The following BGN variants were observed in gnomAD, a reference collection of about 807,000 sequenced individuals.
BGN encodes the protein biglycan.
A neutral mutation model predicts 20.0 loss-of-function variants in BGN; 6 were observed. The observed-to-expected ratio is 0.30, with a 90% CI of 0.16 to 0.59. The LOEUF is 0.59. BGN is among the 20% of genes least tolerant of loss of function. The probability of loss-of-function intolerance (pLI) is 0.88; values close to 1 mark genes in which losing one functional copy is unlikely to be tolerated. For missense variants in BGN, 292 were observed against 312.1 expected, an observed-to-expected ratio of 0.94 and a Z score of 0.49; for synonymous variants, 146 against 134.6, an observed-to-expected ratio of 1.08 and a Z score of -0.59.
intron 1 of BGN, among the ~76,000 whole-genome samples, chrX:153,498,063 C>T (rs1184582063): frequency 8.9e-6 from 1 of 112,665 alleles, no homozygotes; most frequent in Non-Finnish European, 1.9e-5. Context: ...GGCTCCCTGG[C>T]AGGCCTGGTG....
chrX:153,508,479 G>T lies in BGN; in HGVS notation c.*34G>T. The T allele has an allele frequency of 5.9e-6, 7 of 1,185,587 alleles. No homozygotes were observed. Among genetic ancestry groups the T allele is most frequent in the Non-Finnish European group, 8.0e-6 (7 of 875,477 alleles). On this transcript the variant is annotated 3_prime_UTR_variant, in exon 8 of 8. Transcript: ENST00000331595. ...GCAGCCACCGCGGGGCCTCAGTGGG[G>T]GTCTCTGGGGAACACAGCCAGACAT... is the stretch of plus-strand genomic sequence containing the variant.
rs183197855 is a variant in BGN, at chrX:153,506,817, C to A, written c.677-13C>A. The A allele has an allele frequency of 4.0e-4, 483 of 1,205,936 alleles. No individual in the cohort carries two copies. Among genetic ancestry groups the A allele is most frequent in the Admixed American group, 5.9e-4 (27 of 45,816 alleles). Reference sequence around the variant, plus strand: ...GCACCTGCATTCTCCCCTGTGCCCTCTTCTCCTGGCAGACCTCCCTGAGAC... The same window carrying A: ...GCACCTGCATTCTCCCCTGTGCCCTATTCTCCTGGCAGACCTCCCTGAGAC... On this transcript the variant is annotated splice_polypyrimidine_tract_variant and intron_variant, in intron 5 of 7. Coordinates refer to ENST00000331595, the MANE Select transcript of BGN (RefSeq NM_001711.6).
At chrX:153,508,128 G>A (rs1343265963) in intron 7 of BGN, 120 bp from the exon 8 acceptor site, 2 of 767,774 alleles carry the variant, frequency 2.6e-6, no homozygotes, top group Admixed American at 2.7e-5. Flanking sequence ...CCAACAACGG[G>A]GAGCCTCTGG....
Position 153,505,367 on chromosome X carries a change from A to T in BGN, c.351+17A>T, listed in dbSNP as rs2089792249. The stretch of plus-strand genomic sequence containing the variant: ...CACCTCTACGTAAGGAGCTGGGAGG[A>T]ACCAGCAGGCCTACAGCAGAGGGCA... On this transcript the variant is annotated intron_variant, in intron 3 of 7. Coordinates refer to ENST00000331595, the MANE Select transcript of BGN (RefSeq NM_001711.6). 8.5e-7 allele frequency: 1 copy of T among 1,175,427 alleles called. No homozygotes were observed. Among genetic ancestry groups the T allele is most frequent in the African/African-American group, 1.8e-5 (1 of 57,110 alleles).
rs1556993917 is a variant in BGN, at chrX:153,508,776, G to A, written c.*331G>A. 1 of 323,661 alleles carries A rather than the reference G, an allele frequency of 3.1e-6. No homozygotes were observed. Among genetic ancestry groups the A allele is most frequent in the African/African-American group, 2.7e-5 (1 of 37,659 alleles). The allele number at this position is 323,661 out of a possible 1,213,427, so 26.7% of individuals were successfully genotyped here. On this transcript the variant is annotated 3_prime_UTR_variant, in exon 8 of 8. Coordinates refer to ENST00000331595, the MANE Select transcript of BGN (RefSeq NM_001711.6). Reference sequence around the variant, plus strand: ...CAAGTGTCCAAGGCTCCAGTCCTAGGAGAACAGTCCCTGGGTCAGCAGCCA... The same window carrying A: ...CAAGTGTCCAAGGCTCCAGTCCTAGAAGAACAGTCCCTGGGTCAGCAGCCA...
In BGN at chrX:153,505,869, G is replaced by A. The variant is rs782662136; in HGVS notation, c.358G>A (p.Val120Ile). Residue 120 changes from valine to isoleucine, a missense_variant, in exon 4 of 8, where the codon GTC (valine) becomes ATC (isoleucine). Coordinates refer to ENST00000331595, the MANE Select transcript of BGN (RefSeq NM_001711.6). ...TCCGCCCACCCTGCTTCAGGCCCTCGTCCTGGTGAACAACAAGATCTCCAA... is the reference window on the plus strand; with the variant it reads ...TCCGCCCACCCTGCTTCAGGCCCTCATCCTGGTGAACAACAAGATCTCCAA... ...FKGLQHLYAL[V>I]LVNNKISKIH... The A allele has an allele frequency of 2.5e-5, 30 of 1,209,031 alleles. No homozygotes were observed. Among genetic ancestry groups the A allele is most frequent in the African/African-American group, 2.3e-4 (13 of 57,102 alleles).
chrX:153,504,051 C>G (rs1330678791), intron 1 of BGN, among the ~76,000 whole-genome samples: 2 of 111,902 alleles, frequency 1.8e-5, no homozygotes, highest in Non-Finnish European at 3.8e-5. Context: ...CTTAGAGGGT[C>G]TCTGAGAAAC....
intron 1 of BGN, among the ~76,000 whole-genome samples, chrX:153,500,798 T>C (rs185234359): frequency 1.8e-5 from 2 of 111,542 alleles, no homozygotes; most frequent in Non-Finnish European, 3.8e-5. Context: ...TGCATGTGTG[T>C]ATGTGTGCAT....
rs1556993732 is a variant in BGN at position 153,508,295 on chromosome X, C to T, written c.957C>T (p.Asp319=). The T allele has an allele frequency of 8.2e-7, 1 of 1,212,279 alleles. No homozygotes were observed. Among genetic ancestry groups the T allele is most frequent in the South Asian group, 1.8e-5 (1 of 57,030 alleles). ...ACATCACCAAAGTGGGTGTCAACGA[C>T]TTCTGTCCCATGGGCTTCGGGGTGA... ...SNNITKVGVN[D]FCPMGFGVKR... is the part of the protein sequence containing the mutation. Residue 319 remains aspartate (D), a synonymous_variant, in exon 8 of 8, where the codon GAC becomes GAT. Coordinates refer to ENST00000331595, the MANE Select transcript of BGN (RefSeq NM_001711.6).
chrX:153,504,600 T>G, intron 1 of BGN, 21 bp from the exon 2 acceptor site: 12 of 1,130,587 alleles, frequency 1.1e-5, no homozygotes, highest in Non-Finnish European at 1.4e-5. Flanking sequence ...GTGCTGATGA[T>G]CCCCTCGCCT....
At chrX:153,496,866 C>T (rs1420785793) in intron 1 of BGN, among the ~76,000 whole-genome samples, 2 of 110,369 alleles carry the variant, frequency 1.8e-5, no homozygotes, top group Non-Finnish European at 3.8e-5. Context: ...TCAGAGCCTT[C>T]AGCAAGGGCT....
chrX:153,503,446 C>A (rs114537800), intron 1 of BGN, among the ~76,000 whole-genome samples: 4,279 of 112,183 alleles, frequency 0.038, 84 homozygotes, highest in South Asian at 0.068. Context: ...AGGGCCACCC[C>A]AGGCTGGGTG....
chrX:153,503,727 C>T (rs1375562637), intron 1 of BGN, among the ~76,000 whole-genome samples: 2 of 112,663 alleles, frequency 1.8e-5, no homozygotes, highest in Non-Finnish European at 3.8e-5. Flanking sequence ...CCTGGGGGGC[C>T]TCAGGCAAGC....
At chrX:153,496,948 G>GCCCCCCCCCCCCCCCCCCCCCCC (rs782676136) in intron 1 of BGN, among the ~76,000 whole-genome samples, 1 of 57,211 alleles carries the variant, frequency 1.7e-5, no homozygotes, top group African/African-American at 8.1e-5. Flanking sequence ...TGCTTCCCGG[G>GCCCCCCCCCCCCCCCCCCCCCCC]CCCACCCCCC....
chrX:153,499,823 G>T (rs1320801621), intron 1 of BGN, among the ~76,000 whole-genome samples: 1 of 113,072 alleles, frequency 8.8e-6, no homozygotes, highest in African/African-American at 3.2e-5. Flanking sequence ...GTCAGCGGGG[G>T]CACAAGCACC....
chrX:153,498,708 G>A (rs1292657370), intron 1 of BGN, among the ~76,000 whole-genome samples: 2 of 112,545 alleles, frequency 1.8e-5, no homozygotes, highest in South Asian at 3.7e-4. Context: ...GGGGCAGGCC[G>A]GGAACACCTT....
chrX:153,500,814 CATGTGTGT>C (rs1556991664), intron 1 of BGN, among the ~76,000 whole-genome samples: 1 of 102,607 alleles, frequency 9.7e-6, no homozygotes, highest in African/African-American at 3.6e-5. Flanking sequence ...TGCATGTGTG[CATGTGTGT>C]ATACATGCAT....
rs1043303786 is a variant in BGN at position 153,504,727 on chromosome X, G to A, written c.96G>A (p.Gly32=). ...RGFWDFTLDD[G]PFMMNDEEAS... ...TCTGGGACTTCACCCTGGACGATGG[G>A]CCATTCATGATGAACGATGAGGAAG... Residue 32 remains glycine, a synonymous_variant, in exon 2 of 8, where the codon GGG becomes GGA. Transcript: ENST00000331595. 8.3e-7 allele frequency: 1 copy of A among 1,211,892 alleles called. No homozygotes were observed. The highest frequency in any genetic ancestry group is 3.0e-5 in the East Asian group (1 of 33,852).
At chrX:153,497,952 A>G (rs1556991104) in intron 1 of BGN, among the ~76,000 whole-genome samples, 1 of 112,122 alleles carries the variant, frequency 8.9e-6, no homozygotes. Flanking sequence ...TGGAGGGGCC[A>G]CCAGCCTTGG....
Sources: gnomAD v4.1 joint callset for allele counts (sites outside exome capture counted in the v4.1 genomes callset) on GRCh38, gnomAD v4.1.1 for gene constraint, MANE v1.5 for transcripts, NCBI Gene and HGNC (gene_info 2026-07-23, HGNC 2026-07-21) for gene names.